The following SEPTIN3 variants were observed in gnomAD, a reference collection of about 807,000 sequenced individuals.
SEPTIN3 encodes septin 3.
A neutral mutation model predicts 45.1 loss-of-function variants in SEPTIN3; 15 were observed. That is an observed-to-expected ratio of 0.33 (90% CI 0.22 to 0.51). The LOEUF (loss-of-function observed/expected upper bound fraction) is 0.51. Among genes scored for constraint, SEPTIN3 ranks in the 20% least tolerant of loss-of-function variants. The pLI is 0.97. For missense variants in SEPTIN3, 289 were observed against 457.2 expected (o/e 0.63, Z 3.35); for synonymous variants, 148 against 164.8 (o/e 0.90, Z 0.78).
chr22:41,981,493 A>G, intron 2 of SEPTIN3, 152 bp from the exon 3 acceptor site: 1 of 608,310 alleles, frequency 1.6e-6, no homozygotes, highest in Non-Finnish European at 2.8e-6. Context: ...CTCTTTGTCT[A>G]TGAAATGAGG....
In SEPTIN3 at chr22:41,972,040, A is replaced by G. The variant is rs2077965290; in HGVS notation, c.548A>G (p.Glu183Gly). Residue 183 changes from glutamate (E) to glycine (G), a missense_variant, in exon 2 of 12, where the codon GAG becomes GGG. By Grantham distance (98) the Glu-to-Gly change is moderately conservative. Transcript: ENST00000644076. ...AAATCCAACAGGATGCTTGCCACGG[A>G]GAAGCCCCTGGTGAGTTCCTACCTA... is the stretch of plus-strand genomic sequence containing the variant. ...LTKSNRMLAT[E>G]KPLVSSYLAL... The G allele has an allele frequency of 2.5e-6, 1 of 399,144 alleles. No homozygotes were observed. The highest frequency in any genetic ancestry group is 4.4e-6 in the Non-Finnish European group (1 of 226,138). The allele number at this position is 399,144 out of a possible 1,614,324, so 24.7% of individuals were successfully genotyped here. A position where few individuals can be genotyped will look rare whatever the true frequency, so the allele number is the denominator to read the frequency against.
chr22:41,989,210 A>G lies in SEPTIN3; in HGVS notation c.2046-357A>G, dbSNP rs536760235. ...TTGTTTTTTGTTTTTGAGACAGACA[A>G]AAAAGGAAAAAAGACACACACGCAC... On this transcript the variant is annotated intron_variant, in intron 6 of 11. Transcript: ENST00000644076. Among the ~76,000 whole-genome samples, 3 of 152,228 alleles carry G rather than the reference A, an allele frequency of 2.0e-5. No homozygotes were observed. In the South Asian group the frequency reaches 6.2e-4, roughly 32 times the overall value.
At chr22:41,987,108 T>C in intron 4 of SEPTIN3, 98 bp from the exon 5 acceptor site, 1 of 869,296 alleles carries the variant, frequency 1.2e-6, no homozygotes, top group South Asian at 1.9e-5. Context: ...TAACTGATCC[T>C]GAAGACAAGG....
chr22:41,996,991 C>T lies in SEPTIN3; in HGVS notation c.*24C>T. 6.2e-7 allele frequency: 1 copy of T among 1,613,916 alleles called. No individual in the cohort carries two copies. Among genetic ancestry groups the T allele is most frequent in the South Asian group, 1.1e-5 (1 of 91,082 alleles). On this transcript the variant is annotated 3_prime_UTR_variant, in exon 12 of 12. Coordinates refer to ENST00000644076, the MANE Select transcript of SEPTIN3 (RefSeq NM_001363845.2). ...GAAGGCCATTTCAAGCGCTGCTTCT[C>T]ACTCCATTCCTCTCAGCTGTTATTG...
chr22:41,974,422 T>C (rs2077993271), intron 2 of SEPTIN3, among the ~76,000 whole-genome samples: 1 of 151,880 alleles, frequency 6.6e-6, no homozygotes, highest in Admixed American at 6.6e-5. Flanking sequence ...CCCAGAACTT[T>C]GGGAGGCCGA....
intron 6 of SEPTIN3, among the ~76,000 whole-genome samples, chr22:41,988,988 T>C (rs1195078307): frequency 6.6e-6 from 1 of 151,906 alleles, no homozygotes; most frequent in African/African-American, 2.4e-5. Context: ...TAGCCAGACA[T>C]GGTAGTGCGC....
chr22:41,991,919 G>A (rs2078324424), intron 8 of SEPTIN3, among the ~76,000 whole-genome samples: 1 of 151,786 alleles, frequency 6.6e-6, no homozygotes, highest in African/African-American at 2.4e-5. Context: ...AACAAGGTCT[G>A]GCAAAAACAG....
In SEPTIN3 at chr22:41,994,200, C is replaced by A. The variant is rs566417944; in HGVS notation, c.2360-90C>A. 3.2e-5 allele frequency: 39 copies of A among 1,226,762 alleles called. 1 individual carries two copies. The South Asian group carries it at 4.5e-4, about 14-fold the overall frequency. The allele number at this position is 1,226,762 out of a possible 1,614,324, so 76.0% of individuals were successfully genotyped here. A position where few individuals can be genotyped will look rare whatever the true frequency, so the allele number is the denominator to read the frequency against. On this transcript the variant is annotated intron_variant, in intron 9 of 11. Coordinates refer to ENST00000644076, the MANE Select transcript of SEPTIN3 (RefSeq NM_001363845.2). The surrounding 1 kb of genome is among the most constrained non-coding windows in gnomAD (Gnocchi z 4.2). ...CTGTCCCATAGCTTTCTCCTAAATGCCTCCGTGACCCAAACAGAAGCTCAC... is the reference window on the plus strand; with the variant it reads ...CTGTCCCATAGCTTTCTCCTAAATGACTCCGTGACCCAAACAGAAGCTCAC...
At chr22:41,984,845 C>CT (rs11380985) in intron 3 of SEPTIN3, among the ~76,000 whole-genome samples, 25,056 of 98,024 alleles carry the variant, frequency 0.26, 3,998 homozygotes, top group East Asian at 0.49. Flanking sequence ...GTGGTTTTCC[C>CT]TTTTTTTTTT....
rs956257859 is a variant in SEPTIN3, at chr22:41,982,905, G to GA, written c.1696+1079dup. On this transcript the variant is annotated intron_variant, in intron 3 of 11. Transcript: ENST00000644076. ...AAACTCCATCTCAAAAAAAAAAGAA[G>GA]AAAAAAAAAAGAGTAGGAAGGGACC... 5.1e-4 allele frequency among the ~76,000 whole-genome samples: 73 copies of GA among 143,604 alleles called. 1 individual carries two copies. The highest frequency in any genetic ancestry group is 1.0e-3 in the African/African-American group (38 of 37,676). The allele number at this position is 143,604 out of a possible 152,430, so 94.2% of individuals were successfully genotyped here.
intron 4 of SEPTIN3, among the ~76,000 whole-genome samples, chr22:41,986,510 G>GT (rs773698842): frequency 4.0e-4 from 61 of 151,902 alleles, no homozygotes; most frequent in Middle Eastern, 3.4e-3. Flanking sequence ...TTTGTTGTTT[G>GT]TTTTTTTGAG....
rs1431630225 is a variant in SEPTIN3 at position 41,994,934 on chromosome 22, A to C, written c.2505+220A>C. 6 of 1,445,634 alleles carry C rather than the reference A, an allele frequency of 4.2e-6. No individual in the cohort carries two copies. In the East Asian group the frequency reaches 1.1e-4, roughly 27 times the overall value. The allele number at this position is 1,445,634 out of a possible 1,614,324, so 89.6% of individuals were successfully genotyped here. A position where few individuals can be genotyped will look rare whatever the true frequency, so the allele number is the denominator to read the frequency against. On this transcript the variant is annotated intron_variant, in intron 11 of 11. Transcript: ENST00000644076. The surrounding 1 kb of genome is among the most constrained non-coding windows in gnomAD (Gnocchi z 4.2). Reference sequence around the variant, plus strand: ...GTGTGTGTGTGTGTGACAGAGAGAGAGCGAGAGAGCCTGTGTGTGTGCATG... The same window carrying C: ...GTGTGTGTGTGTGTGACAGAGAGAGCGCGAGAGAGCCTGTGTGTGTGCATG...
chr22:41,974,520 G>A (rs1414750521), intron 2 of SEPTIN3, among the ~76,000 whole-genome samples: 6 of 151,636 alleles, frequency 4.0e-5, no homozygotes, highest in Admixed American at 1.3e-4. Context: ...AACATTAGCC[G>A]GGTGTGGTGG....
At chr22:41,987,564 A>T in intron 5 of SEPTIN3, 58 bp from the exon 6 acceptor site, 1 of 1,570,638 alleles carries the variant, frequency 6.4e-7, no homozygotes, top group Non-Finnish European at 8.7e-7. Context: ...GATCATGCCT[A>T]AGCTGAGCCC....
At chr22:41,989,126 CA>C (rs71184854) in intron 6 of SEPTIN3, among the ~76,000 whole-genome samples, 22,006 of 88,284 alleles carry the variant, frequency 0.25, 1,707 homozygotes, top group Middle Eastern at 0.34. Flanking sequence ...GACCCTGTCT[CA>C]AAAAAAAAAA....
At position 41,997,207 on chromosome 22, in the gene SEPTIN3, C is replaced by T; in HGVS notation, c.*240C>T. 1.5e-6 allele frequency: 1 copy of T among 653,780 alleles called. No homozygotes were observed. Among genetic ancestry groups the T allele is most frequent in the Non-Finnish European group, 2.5e-6 (1 of 404,402 alleles). The allele number at this position is 653,780 out of a possible 1,614,324, so 40.5% of individuals were successfully genotyped here. ...AGCCCTACTGCATCATCTGCGTCAG[C>T]CGGTCCTAGCCCATCTGCAGGGTGA... On this transcript the variant is annotated 3_prime_UTR_variant, in exon 12 of 12. Transcript: ENST00000644076.
chr22:41,977,842 C>T (rs1181238828), intron 2 of SEPTIN3, among the ~76,000 whole-genome samples: 1 of 152,206 alleles, frequency 6.6e-6, no homozygotes, highest in Non-Finnish European at 1.5e-5. Flanking sequence ...GTGCCAGGGT[C>T]TTTGCTTAGC....
intron 7 of SEPTIN3, among the ~76,000 whole-genome samples, chr22:41,991,185 G>A (rs776514447): frequency 2.0e-5 from 3 of 152,156 alleles, no homozygotes; most frequent in Admixed American, 6.5e-5. Context: ...AAACAGTCTC[G>A]GAGTAGGGGG....
intron 2 of SEPTIN3, among the ~76,000 whole-genome samples, chr22:41,975,050 G>GT (rs2078004231): frequency 1.3e-5 from 2 of 152,000 alleles, no homozygotes; most frequent in Admixed American, 1.3e-4. Flanking sequence ...GGTATCTGTT[G>GT]CTTAAAAGTT....
Sources: gnomAD v4.1 joint callset for allele counts (sites outside exome capture counted in the v4.1 genomes callset) on GRCh38, gnomAD v4.1.1 for gene constraint, Gnocchi (gnomAD v3.1) non-coding constraint, MANE v1.5 for transcripts, NCBI Gene and HGNC (gene_info 2026-07-23, HGNC 2026-07-21) for gene names.